Variants in PRKN observed in about 807,000 individuals in gnomAD.
The protein encoded by PRKN is parkin RBR E3 ubiquitin protein ligase.
Under a neutral mutation model 59.5 loss-of-function variants are expected in PRKN, and 56 were observed. The observed-to-expected ratio is 0.94, with a 90% confidence interval of 0.76 to 1.18. The LOEUF is 1.18. Among genes scored for constraint, PRKN ranks in the 50% most tolerant of loss-of-function variants. The pLI is 0.00. For missense variants in PRKN, 657 were observed against 596.4 expected (o/e 1.10, Z -1.06); for synonymous variants, 250 against 222.1 (o/e 1.13, Z -1.12).
chr6:161,683,334 G>A (rs138719993), intron 7 of PRKN, among the ~76,000 whole-genome samples: 46 of 152,340 alleles, frequency 3.0e-4, no homozygotes, highest in African/African-American at 1.0e-3. Context: ...GGACTGGAGT[G>A]TCAAAATGGG....
chr6:162,215,174 A>G (rs1777586052), intron 3 of PRKN, among the ~76,000 whole-genome samples: 1 of 152,132 alleles, frequency 6.6e-6, no homozygotes, highest in African/African-American at 2.4e-5. Context: ...TCTATCTCAC[A>G]ATATCCCATA....
At chr6:162,582,097 T>C (rs1434008014) in intron 1 of PRKN, among the ~76,000 whole-genome samples, 1 of 152,226 alleles carries the variant, frequency 6.6e-6, no homozygotes, top group Non-Finnish European at 1.5e-5. Context: ...AAGTCTCTTA[T>C]CTGCAAAACA....
rs943692698 is a variant in PRKN, at chr6:161,578,633, C to G, written c.872-9217G>C. Among the ~76,000 whole-genome samples, 3 of 152,158 alleles carry G rather than the reference C, an allele frequency of 2.0e-5. No homozygotes were observed. Among genetic ancestry groups the G allele is most frequent in the Non-Finnish European group, 4.4e-5 (3 of 68,026 alleles). On this transcript the variant is annotated intron_variant, in intron 7 of 11. Coordinates refer to ENST00000366898, the MANE Select transcript of PRKN (RefSeq NM_004562.3). This position sits in a 1 kb window ranked among gnomAD's most constrained non-coding sequence, Gnocchi z 4.2. ...CAGATCCCCAGGCTCTATGAACACCCTCCCCTGACCTCTCTTTCCTGTGAC... is the reference window on the plus strand; with the variant it reads ...CAGATCCCCAGGCTCTATGAACACCGTCCCCTGACCTCTCTTTCCTGTGAC...
At chr6:162,479,349 C>CTGAGTAGCTGGGATTACAGGCGCA (rs1375174324) in intron 1 of PRKN, among the ~76,000 whole-genome samples, 1 of 151,990 alleles carries the variant, frequency 6.6e-6, no homozygotes, top group Non-Finnish European at 1.5e-5. Flanking sequence ...CCTCAGTCTC[C>CTGAGTAGCTGGGATTACAGGCGCA]TGAGTAGCTG....
At chr6:161,769,015 CAATAACT>C (rs2128201516) in intron 7 of PRKN, among the ~76,000 whole-genome samples, 1 of 152,250 alleles carries the variant, frequency 6.6e-6, no homozygotes, top group East Asian at 1.9e-4. Flanking sequence ...AAAGAACTAT[CAATAACT>C]TTCCAAGTTA....
At chr6:161,523,110 TTAA>T (rs933415850) in intron 9 of PRKN, among the ~76,000 whole-genome samples, 2 of 152,032 alleles carry the variant, frequency 1.3e-5, no homozygotes, top group Non-Finnish European at 2.9e-5. Flanking sequence ...GGTACATACT[TTAA>T]TATTAGTTTC....
intron 6 of PRKN, among the ~76,000 whole-genome samples, chr6:161,935,709 T>A (rs1376180158): frequency 1.3e-5 from 2 of 152,172 alleles, no homozygotes; most frequent in East Asian, 3.9e-4. Context: ...CTTGAAAATT[T>A]TATAACGACA....
chr6:161,348,640 T>A lies in PRKN; in HGVS notation c.*1459A>T, dbSNP rs1784416233. ...CCCCTCTCTTCCCTCCAGCAAGGAT[T>A]TCAGTGCTACATCTAAAAAGAGAAG... On this transcript the variant is annotated 3_prime_UTR_variant, in exon 12 of 12. Coordinates refer to ENST00000366898, the MANE Select transcript of PRKN (RefSeq NM_004562.3). This position sits in a 1 kb window ranked among gnomAD's most constrained non-coding sequence, Gnocchi z 4.9. The A allele has an allele frequency of 9.5e-6, 2 of 210,402 alleles. No individual in the cohort carries two copies. Among genetic ancestry groups the A allele is most frequent in the African/African-American group, 2.3e-5 (1 of 43,956 alleles). 13.0% of individuals were successfully genotyped at this position (210,402 alleles called of 1,614,324 possible).
intron 2 of PRKN, among the ~76,000 whole-genome samples, chr6:162,414,825 A>G (rs1490518773): frequency 6.6e-6 from 1 of 152,052 alleles, no homozygotes; most frequent in Non-Finnish European, 1.5e-5. Flanking sequence ...GAGCATTCTT[A>G]AAACTGATTA....
chr6:161,558,018 G>A (rs768005416), intron 8 of PRKN, among the ~76,000 whole-genome samples: 8 of 152,140 alleles, frequency 5.3e-5, no homozygotes, highest in African/African-American at 1.4e-4. Context: ...CAGAGGGGTC[G>A]TGATCAGGCT....
At chr6:162,582,847 T>C (rs78403634) in intron 1 of PRKN, among the ~76,000 whole-genome samples, 3,132 of 152,286 alleles carry the variant, frequency 0.021, 105 homozygotes, top group African/African-American at 0.07. Context: ...CTTTAAGTTC[T>C]TACTTTGCTA....
chr6:161,883,480 C>CT (rs1795017678), intron 6 of PRKN, among the ~76,000 whole-genome samples: 1 of 130,678 alleles, frequency 7.7e-6, no homozygotes, highest in African/African-American at 3.0e-5. Context: ...GAGCAAGACT[C>CT]TGACAAAGGG....
At chr6:162,451,876 C>A (rs954988427) in intron 1 of PRKN, among the ~76,000 whole-genome samples, 11 of 152,140 alleles carry the variant, frequency 7.2e-5, no homozygotes, top group Non-Finnish European at 1.2e-4. Context: ...TTTACATATT[C>A]AAGATGTTCA....
chr6:162,565,269 G>A (rs1191403033), intron 1 of PRKN, among the ~76,000 whole-genome samples: 1 of 152,076 alleles, frequency 6.6e-6, no homozygotes, highest in Non-Finnish European at 1.5e-5. Flanking sequence ...AAACTAAAAC[G>A]TATCACCAGA....
intron 3 of PRKN, among the ~76,000 whole-genome samples, chr6:162,233,680 C>T (rs61033853): frequency 0.016 from 2,361 of 152,250 alleles, 45 homozygotes; most frequent in South Asian, 0.053. Flanking sequence ...TGGACGTGTC[C>T]GCCAGATTTC....
intron 1 of PRKN, among the ~76,000 whole-genome samples, chr6:162,600,535 T>C (rs191486207): frequency 6.6e-6 from 1 of 152,136 alleles, no homozygotes. Context: ...CTGTTCTGAT[T>C]TATTTTAATC....
chr6:161,579,463 CCT>C lies in PRKN; in HGVS notation c.872-10049_872-10048del, dbSNP rs1048964013. ...GACATGAACATTTATGGAACACTCC[CCT>C]GTTTATAAACTGGAAACTTGTGTAA... On this transcript the variant is annotated intron_variant, in intron 7 of 11. Coordinates refer to ENST00000366898, the MANE Select transcript of PRKN (RefSeq NM_004562.3). The surrounding 1 kb of genome is among the most constrained non-coding windows in gnomAD (Gnocchi z 4.2). 2.2e-4 allele frequency among the ~76,000 whole-genome samples: 34 copies of C among 152,240 alleles called. No homozygotes were observed. The highest frequency in any genetic ancestry group is 7.9e-4 in the Admixed American group (12 of 15,280).
chr6:161,392,243 G>T (rs1210053584), intron 9 of PRKN, among the ~76,000 whole-genome samples: 1 of 151,660 alleles, frequency 6.6e-6, no homozygotes, highest in Non-Finnish European at 1.5e-5. Flanking sequence ...AAATTAGCTG[G>T]CATGGTGGCA....
chr6:162,396,465 A>G (rs1787480797), intron 2 of PRKN, among the ~76,000 whole-genome samples: 1 of 151,996 alleles, frequency 6.6e-6, no homozygotes. Context: ...GCCAGAGCAT[A>G]AGACGCCAAC....
Sources: gnomAD v4.1 joint callset for allele counts (sites outside exome capture counted in the v4.1 genomes callset) on GRCh38, gnomAD v4.1.1 for gene constraint, Gnocchi (gnomAD v3.1) non-coding constraint, MANE v1.5 for transcripts, NCBI Gene and HGNC (gene_info 2026-07-23, HGNC 2026-07-21) for gene names.